Variants in DLC1 observed in about 807,000 individuals in gnomAD.
The protein encoded by DLC1 is rho GTPase-activating protein 7.
In DLC1, 54 loss-of-function variants were observed where a neutral mutation model predicts 140.3. The observed-to-expected ratio is 0.38, with a 90% CI of 0.31 to 0.48. The LOEUF (loss-of-function observed/expected upper bound fraction) is 0.48. Ranked by LOEUF, DLC1 falls within the 20% of genes least tolerant of loss-of-function variation. The pLI is 0.96. For missense variants in DLC1, 2,536 were observed against 1,907.0 expected (o/e 1.33, Z -6.14); for synonymous variants, 986 against 728.1 (o/e 1.35, Z -5.70).
At chr8:13,548,445 G>T (rs1004188524) in intron 1 of DLC1, among the ~76,000 whole-genome samples, 1 of 152,018 alleles carries the variant, frequency 6.6e-6, no homozygotes, top group African/African-American at 2.4e-5. Context: ...GGAGAGATAT[G>T]CCATGGGTCT....
Position 13,188,820 on chromosome 8 carries a change from T to C in DLC1, c.1349-73163A>G, listed in dbSNP as rs1242174178. 2.3e-3 allele frequency among the ~76,000 whole-genome samples: 100 copies of C among 42,564 alleles called. 1 individual carries two copies. The South Asian group carries it at 0.032, about 14-fold the overall frequency. The allele number at this position is 42,564 out of a possible 152,430, so 27.9% of individuals were successfully genotyped here. A position where few individuals can be genotyped will look rare whatever the true frequency, so the allele number is the denominator to read the frequency against. On this transcript the variant is annotated intron_variant, in intron 5 of 17. Coordinates refer to ENST00000276297, the MANE Select transcript of DLC1 (RefSeq NM_182643.3). Reference sequence around the variant, plus strand: ...GTGTGTGTATATATATATATATATATATATATGTATATATATATATATATT... The same window carrying C: ...GTGTGTGTATATATATATATATATACATATATGTATATATATATATATATT...
chr8:13,506,150 T>C (rs959000069), intron 1 of DLC1, among the ~76,000 whole-genome samples: 7 of 151,986 alleles, frequency 4.6e-5, no homozygotes, highest in South Asian at 2.1e-4. Context: ...ACATGTGATA[T>C]ATATATGTGT....
At chr8:13,172,034 A>T (rs1393714484) in intron 5 of DLC1, among the ~76,000 whole-genome samples, 1 of 152,246 alleles carries the variant, frequency 6.6e-6, no homozygotes, top group African/African-American at 2.4e-5. Flanking sequence ...TACCATTAAA[A>T]AGTCGATCAT....
intron 5 of DLC1, among the ~76,000 whole-genome samples, chr8:13,203,038 T>G (rs1377741097): frequency 6.6e-6 from 1 of 152,184 alleles, no homozygotes; most frequent in Non-Finnish European, 1.5e-5. Flanking sequence ...TAGTCAGTCT[T>G]TCATGAAAAC....
intron 5 of DLC1, among the ~76,000 whole-genome samples, chr8:13,186,662 A>C (rs965778651): frequency 6.6e-6 from 1 of 152,160 alleles, no homozygotes; most frequent in Non-Finnish European, 1.5e-5. Flanking sequence ...CAACTCATCA[A>C]AGTCATTCTC....
intron 4 of DLC1, among the ~76,000 whole-genome samples, chr8:13,331,707 A>C (rs1833596954): frequency 6.6e-6 from 1 of 152,142 alleles, no homozygotes; most frequent in African/African-American, 2.4e-5. Context: ...AAATCCAAGA[A>C]ACTTTTCATA....
intron 5 of DLC1, among the ~76,000 whole-genome samples, chr8:13,215,514 A>G (rs943658918): frequency 6.6e-6 from 1 of 152,184 alleles, no homozygotes; most frequent in Non-Finnish European, 1.5e-5. Flanking sequence ...TGAGCCCAGA[A>G]GGCAGAAGTT....
chr8:13,207,204 A>G (rs557822247), intron 5 of DLC1, among the ~76,000 whole-genome samples: 6 of 152,158 alleles, frequency 3.9e-5, no homozygotes, highest in Non-Finnish European at 7.4e-5. Flanking sequence ...TAATAATTGC[A>G]CTTGTGGTAA....
At chr8:13,183,949 C>T (rs1412883237) in intron 5 of DLC1, among the ~76,000 whole-genome samples, 1 of 152,062 alleles carries the variant, frequency 6.6e-6, no homozygotes, top group South Asian at 2.1e-4. Context: ...TGGTCCTGGA[C>T]TTTTTTTGGA....
At chr8:13,507,297 A>G (rs1802140302) in intron 1 of DLC1, among the ~76,000 whole-genome samples, 1 of 152,208 alleles carries the variant, frequency 6.6e-6, no homozygotes, top group African/African-American at 2.4e-5. Flanking sequence ...CAGAAAGCCC[A>G]GGGAAGATAT....
chr8:13,501,372 C>T lies in DLC1; in HGVS notation c.-125-1176G>A, dbSNP rs372196440. Among the ~76,000 whole-genome samples, 358 of 152,196 alleles carry T rather than the reference C, an allele frequency of 2.4e-3. 11 individuals carry two copies. The South Asian group carries it at 0.065, about 28-fold the overall frequency. On this transcript the variant is annotated intron_variant, in intron 1 of 17. Coordinates refer to ENST00000276297, the MANE Select transcript of DLC1 (RefSeq NM_182643.3). ...ACTCAACGTTATAAAAATGACTAAC[C>T]CAAATTTTGCCCCACAATGAAACTA...
At chr8:13,419,726 A>G (rs1366024290) in intron 2 of DLC1, among the ~76,000 whole-genome samples, 4 of 152,162 alleles carry the variant, frequency 2.6e-5, no homozygotes, top group South Asian at 2.1e-4. Flanking sequence ...TGCTGGCCTC[A>G]TAAAATGAGT....
intron 5 of DLC1, among the ~76,000 whole-genome samples, chr8:13,172,131 G>A (rs1196735590): frequency 6.6e-6 from 1 of 152,136 alleles, no homozygotes; most frequent in East Asian, 1.9e-4. Flanking sequence ...TGTCATTTGG[G>A]GGGTAGCTAT....
At chr8:13,394,847 C>G (rs1836945968) in intron 3 of DLC1, among the ~76,000 whole-genome samples, 2 of 152,126 alleles carry the variant, frequency 1.3e-5, no homozygotes, top group African/African-American at 4.8e-5. Flanking sequence ...CAGTATTTCC[C>G]TTTGCTGGCC....
intron 10 of DLC1, 49 bp downstream of exon 10, chr8:13,098,350 C>A (rs754845640): frequency 6.2e-7 from 1 of 1,603,832 alleles, no homozygotes; most frequent in Non-Finnish European, 8.5e-7. Flanking sequence ...AAGGAACTGA[C>A]CAAAAATATC....
At chr8:13,325,426 T>A (rs17091530) in intron 4 of DLC1, among the ~76,000 whole-genome samples, 20,650 of 151,994 alleles carry the variant, frequency 0.14, 1,901 homozygotes, top group East Asian at 0.38. Flanking sequence ...CAGGTAAACA[T>A]GTTCTGGGAC....
At chr8:13,412,857 A>G (rs377681613) in intron 2 of DLC1, among the ~76,000 whole-genome samples, 2,728 of 145,766 alleles carry the variant, frequency 0.019, 38 homozygotes, top group South Asian at 0.049. Context: ...GCGTGAACCC[A>G]GGAGGCGGAG....
At chr8:13,347,932 A>G (rs1834432579) in intron 4 of DLC1, among the ~76,000 whole-genome samples, 2 of 152,182 alleles carry the variant, frequency 1.3e-5, no homozygotes, top group South Asian at 2.1e-4. Context: ...TACTAAAAAT[A>G]TAAAAAATTA....
At chr8:13,391,312 A>G (rs1007136341) in intron 4 of DLC1, among the ~76,000 whole-genome samples, 1 of 152,188 alleles carries the variant, frequency 6.6e-6, no homozygotes, top group African/African-American at 2.4e-5. Context: ...GAGTTGTGGC[A>G]TGACTAGAAA....
Sources: gnomAD v4.1 joint callset for allele counts (sites outside exome capture counted in the v4.1 genomes callset) on GRCh38, gnomAD v4.1.1 for gene constraint, MANE v1.5 for transcripts, NCBI Gene and HGNC (gene_info 2026-07-23, HGNC 2026-07-21) for gene names.